The following MYO5A variants were observed in gnomAD, a reference collection of about 807,000 sequenced individuals.
The protein encoded by MYO5A is myosin VA.
MYO5A carries 98 observed loss-of-function variants against 249.7 expected under a neutral mutation model. The ratio of observed to expected loss-of-function variants is 0.39; its 90% CI spans 0.33 to 0.46. The LOEUF is 0.46. Among genes scored for constraint, MYO5A ranks in the 20% least tolerant of loss-of-function variants. The pLI, the probability that MYO5A is intolerant of heterozygous loss-of-function variation, is 0.98. For synonymous variants in MYO5A, 778 were observed against 810.6 expected, an observed-to-expected ratio of 0.96 and a Z score of 0.68; for missense variants, 1,696 against 2,308.8, an observed-to-expected ratio of 0.73 and a Z score of 5.44.
chr15:52,522,758 T>G (rs184718953), intron 1 of MYO5A, among the ~76,000 whole-genome samples: 118 of 151,896 alleles, frequency 7.8e-4, no homozygotes, highest in Non-Finnish European at 1.4e-3. Flanking sequence ...CGAGTTAGCA[T>G]TCCCTGTCAC....
In MYO5A at chr15:52,353,737, T is replaced by C. The variant is rs534365845; in HGVS notation, c.3568-79A>G. 236 of 1,586,810 alleles carry C rather than the reference T, an allele frequency of 1.5e-4. 1 individual carries two copies. The African/African-American group carries it at 2.9e-3, about 19-fold the overall frequency. ...TATTTACTTGCTCTACCGAAAACAG[T>C]GAAGAGAGTTTAGCCCTCACTACTT... On this transcript the variant is annotated intron_variant, in intron 26 of 41. Transcript: ENST00000399233.
At chr15:52,348,076 T>C (rs1443898455) in intron 29 of MYO5A, among the ~76,000 whole-genome samples, 4 of 152,234 alleles carry the variant, frequency 2.6e-5, no homozygotes, top group East Asian at 1.9e-4. Flanking sequence ...GAAAGGCTTC[T>C]TAGTATGCTT....
intron 2 of MYO5A, among the ~76,000 whole-genome samples, chr15:52,431,231 C>CAAAA (rs1333488857): frequency 4.4e-5 from 2 of 45,844 alleles, no homozygotes; most frequent in East Asian, 7.9e-4. Flanking sequence ...AATTCCGTCT[C>CAAAA]AAAAAAAAAA....
At chr15:52,515,571 T>C (rs1037335437) in intron 1 of MYO5A, among the ~76,000 whole-genome samples, 2 of 152,204 alleles carry the variant, frequency 1.3e-5, no homozygotes, top group South Asian at 2.1e-4. Flanking sequence ...AACAACCCTA[T>C]GAAGTAAGTA....
At chr15:52,462,841 G>A (rs896008531) in intron 1 of MYO5A, among the ~76,000 whole-genome samples, 27 of 144,402 alleles carry the variant, frequency 1.9e-4, no homozygotes, top group African/African-American at 5.6e-4. Flanking sequence ...GCGAGAATCC[G>A]TCTTGGAAAA....
rs191030178 is a variant in MYO5A, at chr15:52,310,386, G to A, written c.*3310C>T. On this transcript the variant is annotated 3_prime_UTR_variant, in exon 42 of 42. Coordinates refer to ENST00000399233, the MANE Select transcript of MYO5A (RefSeq NM_001382347.1). ...TAAATTTTCAGCTTCAAGTTGTAAG[G>A]GTGTGAGGTGAGTCTGCATGTAGTA... 1.5e-4 allele frequency: 23 copies of A among 152,352 alleles called. No individual in the cohort carries two copies. The highest frequency in any genetic ancestry group is 2.9e-4 in the Non-Finnish European group (20 of 68,042). 9.4% of individuals were successfully genotyped at this position (152,352 alleles called of 1,614,324 possible).
chr15:52,525,007 C>T (rs988341935), intron 1 of MYO5A, among the ~76,000 whole-genome samples: 5 of 151,998 alleles, frequency 3.3e-5, no homozygotes, highest in African/African-American at 1.2e-4. Flanking sequence ...TTATAATGTT[C>T]CCGATAATCC....
chr15:52,315,549 A>AT (rs1357913142), intron 40 of MYO5A, among the ~76,000 whole-genome samples: 1 of 151,614 alleles, frequency 6.6e-6, no homozygotes, highest in Non-Finnish European at 1.5e-5. Flanking sequence ...TAATTTTTGT[A>AT]TTTTTGTAGA....
chr15:52,511,497 G>A (rs1319021374), intron 1 of MYO5A, among the ~76,000 whole-genome samples: 1 of 152,130 alleles, frequency 6.6e-6, no homozygotes, highest in Non-Finnish European at 1.5e-5. Flanking sequence ...CAGCTTCTGA[G>A]CAATGAGGCT....
intron 1 of MYO5A, among the ~76,000 whole-genome samples, chr15:52,471,857 C>T (rs894918423): frequency 5.9e-5 from 9 of 151,846 alleles, no homozygotes; most frequent in South Asian, 2.1e-4. Flanking sequence ...CACCACCATG[C>T]GTGGCGAATT....
In MYO5A at chr15:52,523,949, A is replaced by G. The variant is rs1197412674; in HGVS notation, c.27+4831T>C. Reference sequence around the variant, plus strand: ...ACATGAAAATATTAGAATTTCCAAGATCAGTAGTTTGAAGAGACAGTGCCA... The same window carrying G: ...ACATGAAAATATTAGAATTTCCAAGGTCAGTAGTTTGAAGAGACAGTGCCA... On this transcript the variant is annotated intron_variant, in intron 1 of 41. Transcript: ENST00000399233. Among the ~76,000 whole-genome samples, 4 of 130,038 alleles carry G rather than the reference A, an allele frequency of 3.1e-5. No individual in the cohort carries two copies. In the East Asian group the frequency reaches 7.0e-4, roughly 23 times the overall value. 85.3% of individuals were successfully genotyped at this position (130,038 alleles called of 152,430 possible). A position where few individuals can be genotyped will look rare whatever the true frequency, so the allele number is the denominator to read the frequency against.
At chr15:52,481,304 T>G (rs1331315823) in intron 1 of MYO5A, among the ~76,000 whole-genome samples, 1 of 152,244 alleles carries the variant, frequency 6.6e-6, no homozygotes, top group Non-Finnish European at 1.5e-5. Context: ...AAACAAAGAT[T>G]GCCTAGAGAT....
chr15:52,415,580 CA>C (rs1734717376), intron 5 of MYO5A, among the ~76,000 whole-genome samples: 1 of 151,458 alleles, frequency 6.6e-6, no homozygotes, highest in Non-Finnish European at 1.5e-5. Flanking sequence ...ACAACAACAA[CA>C]AAAAGCTTAT....
chr15:52,497,588 C>G (rs1188135685), intron 1 of MYO5A, among the ~76,000 whole-genome samples: 1 of 150,760 alleles, frequency 6.6e-6, no homozygotes, highest in Non-Finnish European at 1.5e-5. Flanking sequence ...GAAACACTGT[C>G]TCTACTGAAA....
chr15:52,330,309 C>G, intron 35 of MYO5A, 44 bp downstream of exon 35: 1 of 1,613,514 alleles, frequency 6.2e-7, no homozygotes, highest in Non-Finnish European at 8.5e-7. Context: ...CACCATTAAC[C>G]CATGTGCCAG....
chr15:52,455,578 C>G (rs1006901106), intron 1 of MYO5A, among the ~76,000 whole-genome samples: 1 of 152,054 alleles, frequency 6.6e-6, no homozygotes, highest in Admixed American at 6.6e-5. Flanking sequence ...ACTAGCCCAA[C>G]TGAATTCAAC....
intron 34 of MYO5A, among the ~76,000 whole-genome samples, chr15:52,334,255 A>G (rs989962238): frequency 3.9e-5 from 6 of 152,248 alleles, no homozygotes; most frequent in African/African-American, 1.4e-4. Context: ...CTGTTTATCA[A>G]AATTTACTAA....
At chr15:52,367,734 C>T (rs1003387183) in intron 22 of MYO5A, among the ~76,000 whole-genome samples, 2 of 152,108 alleles carry the variant, frequency 1.3e-5, no homozygotes, top group Non-Finnish European at 2.9e-5. Context: ...AAGAGTTTTA[C>T]AAGGCTGAGA....
At chr15:52,351,537 T>C in intron 27 of MYO5A, 56 bp from the exon 28 acceptor site, 3 of 1,507,404 alleles carry the variant, frequency 2.0e-6, no homozygotes, top group Non-Finnish European at 2.8e-6. Context: ...TTACGTTGGA[T>C]GCTCAAACTT....
Sources: allele counts gnomAD v4.1 joint callset (sites outside exome capture counted in the v4.1 genomes callset), GRCh38; gene constraint gnomAD v4.1.1; transcripts MANE v1.5; gene names NCBI Gene and HGNC (gene_info 2026-07-23, HGNC 2026-07-21).